Variants in HEXA observed in about 807,000 individuals in gnomAD.
HEXA encodes the protein beta-hexosaminidase subunit alpha.
A neutral mutation model predicts 73.3 loss-of-function variants in HEXA; 54 were observed. That is an observed-to-expected ratio of 0.74 (90% CI 0.59 to 0.92). HEXA has a LOEUF of 0.92. Ranked by LOEUF, HEXA falls within the 40% of genes least tolerant of loss-of-function variation. The pLI, the probability that HEXA is intolerant of heterozygous loss-of-function variation, is 0.00. For missense variants in HEXA, 649 were observed against 653.0 expected (o/e 0.99, Z 0.07); for synonymous variants, 230 against 246.9 (o/e 0.93, Z 0.64).
At position 72,341,853 on chromosome 15, in the gene HEXA, G is replaced by A. The variant is rs1456310102; in HGVS notation, c.*2224C>T. 2 of 152,162 alleles carry A rather than the reference G, an allele frequency of 1.3e-5. No individual in the cohort carries two copies. The highest frequency in any genetic ancestry group is 2.4e-5 in the African/African-American group (1 of 41,436). 9.4% of individuals were successfully genotyped at this position (152,162 alleles called of 1,614,324 possible). A position where few individuals can be genotyped will look rare whatever the true frequency, so the allele number is the denominator to read the frequency against. ...ACAGCACACTTTACCAATGAAAGTC[G>A]TGACCAGGCCACGTTAGTTTAGTGG... is the stretch of plus-strand genomic sequence containing the variant. On this transcript the variant is annotated 3_prime_UTR_variant, in exon 14 of 14. Coordinates refer to ENST00000268097, the MANE Select transcript of HEXA (RefSeq NM_000520.6).
chr15:72,349,205 A>G lies in HEXA; in HGVS notation c.860T>C (p.Phe287Ser). 1 of 1,614,106 alleles carries G rather than the reference A, an allele frequency of 6.2e-7. No individual in the cohort carries two copies. The highest frequency in any genetic ancestry group is 8.5e-7 in the Non-Finnish European group (1 of 1,179,940). Residue 287 changes from phenylalanine to serine, a missense_variant, in exon 8 of 14, where the codon TTT becomes TCT. By Grantham distance (155) the Phe-to-Ser change is radical (BLOSUM62 -2). Coordinates refer to ENST00000268097, the MANE Select transcript of HEXA (RefSeq NM_000520.6). Reference protein sequence around the residue: ...CYSGSEPSGTFGPVNPSLNNT... With the variant: ...CYSGSEPSGTSGPVNPSLNNT... ...ATTGAGACTGGGATTCACTGGTCCAAAGGTGCCAGAGGGCTCAGACCCAGA... is the reference window on the plus strand; with the variant it reads ...ATTGAGACTGGGATTCACTGGTCCAGAGGTGCCAGAGGGCTCAGACCCAGA...
At chr15:72,344,648 T>G (rs2088586773) in intron 13 of HEXA, among the ~76,000 whole-genome samples, 1 of 152,160 alleles carries the variant, frequency 6.6e-6, no homozygotes, top group Non-Finnish European at 1.5e-5. Flanking sequence ...CCTCTAGGCA[T>G]GCTTCCCTTA....
chr15:72,372,656 T>C (rs191024149), intron 1 of HEXA, among the ~76,000 whole-genome samples: 16 of 152,144 alleles, frequency 1.1e-4, no homozygotes, highest in African/African-American at 3.1e-4. Flanking sequence ...CACCTCTCAA[T>C]GACAAAGAAA....
chr15:72,356,781 G>A lies in HEXA; in HGVS notation c.254-164C>T, dbSNP rs959577990. 4 of 1,032,472 alleles carry A rather than the reference G, an allele frequency of 3.9e-6. No homozygotes were observed. In the African/African-American group the frequency reaches 6.3e-5, roughly 16 times the overall value. The allele number at this position is 1,032,472 out of a possible 1,614,324, so 64.0% of individuals were successfully genotyped here. On this transcript the variant is annotated intron_variant, in intron 1 of 13. Coordinates refer to ENST00000268097, the MANE Select transcript of HEXA (RefSeq NM_000520.6). ...GCAGTGCCTGATCATCTGTTCAGCT[G>A]TCTCACTCTCGTTGTGCCCCTCTTC...
chr15:72,373,959 A>G (rs2089024728), intron 1 of HEXA, among the ~76,000 whole-genome samples: 1 of 150,606 alleles, frequency 6.6e-6, no homozygotes, highest in South Asian at 2.1e-4. Flanking sequence ...AGATCGTATC[A>G]CTGCACTCAG....
intron 8 of HEXA, 140 bp downstream of exon 8, chr15:72,348,939 G>T: frequency 1.4e-6 from 1 of 739,192 alleles, no homozygotes; most frequent in Non-Finnish European, 2.4e-6. Flanking sequence ...GATGGGCAGA[G>T]GAAGGCCTAA....
chr15:72,347,215 A>C (rs2088627478), intron 10 of HEXA, among the ~76,000 whole-genome samples: 1 of 27,668 alleles, frequency 3.6e-5, no homozygotes, highest in Non-Finnish European at 3.3e-4. Flanking sequence ...GTTCTTAATT[A>C]AGTTTGTAGT....
At chr15:72,356,763 C>A in intron 1 of HEXA, 146 bp from the exon 2 acceptor site, 1 of 1,180,148 alleles carries the variant, frequency 8.5e-7, no homozygotes, top group Non-Finnish European at 1.2e-6. Flanking sequence ...TAGGCAGTGC[C>A]TGATCATCTG....
chr15:72,364,690 G>A (rs1304630801), intron 1 of HEXA, among the ~76,000 whole-genome samples: 1 of 151,562 alleles, frequency 6.6e-6, no homozygotes, highest in Non-Finnish European at 1.5e-5. Flanking sequence ...CCACATATAT[G>A]GGCCCATCTC....
intron 1 of HEXA, among the ~76,000 whole-genome samples, chr15:72,365,299 CCAT>C (rs2088902265): frequency 6.6e-6 from 1 of 152,160 alleles, no homozygotes; most frequent in South Asian, 2.1e-4. Flanking sequence ...CGATGTTTCA[CCAT>C]GTTAGCCAGG....
intron 6 of HEXA, 61 bp from the exon 7 acceptor site, chr15:72,350,711 A>G (rs1342055920): frequency 6.2e-7 from 1 of 1,601,682 alleles, no homozygotes; most frequent in East Asian, 2.2e-5. Context: ...AGTAGAAGAT[A>G]CTCAAAATGC....
intron 1 of HEXA, among the ~76,000 whole-genome samples, chr15:72,361,860 G>A (rs1385671261): frequency 6.6e-6 from 1 of 152,126 alleles, no homozygotes; most frequent in Non-Finnish European, 1.5e-5. Flanking sequence ...CCTTAATTCA[G>A]CCTCTTGTAA....
chr15:72,341,161 A>G lies in HEXA; in HGVS notation c.*2916T>C, dbSNP rs2088551604. ...GTATGTGTACCTACATTAATACTAA[A>G]TAAATTCCACCTACATCCTTTCTTT... On this transcript the variant is annotated 3_prime_UTR_variant, in exon 14 of 14. Coordinates refer to ENST00000268097, the MANE Select transcript of HEXA (RefSeq NM_000520.6). The G allele has an allele frequency of 6.6e-6, 1 of 152,184 alleles. No individual in the cohort carries two copies. Among genetic ancestry groups the G allele is most frequent in the African/African-American group, 2.4e-5 (1 of 41,444 alleles). The allele number at this position is 152,184 out of a possible 1,614,324, so 9.4% of individuals were successfully genotyped here. A position where few individuals can be genotyped will look rare whatever the true frequency, so the allele number is the denominator to read the frequency against.
At chr15:72,348,190 C>CAGG in intron 8 of HEXA, 56 bp from the exon 9 acceptor site, 2 of 1,256,162 alleles carry the variant, frequency 1.6e-6, no homozygotes, top group African/African-American at 1.5e-5. Context: ...AGCCTAATGC[C>CAGG]TGGGGATTAG....
intron 12 of HEXA, 81 bp from the exon 13 acceptor site, chr15:72,345,631 G>A: frequency 1.3e-6 from 2 of 1,578,484 alleles, no homozygotes; most frequent in East Asian, 4.6e-5. Flanking sequence ...GCTACCTCTT[G>A]TCTAGGCACC....
At chr15:72,362,845 C>A (rs534680453) in intron 1 of HEXA, among the ~76,000 whole-genome samples, 1 of 152,180 alleles carries the variant, frequency 6.6e-6, no homozygotes, top group African/African-American at 2.4e-5. Flanking sequence ...TGAATCAAAA[C>A]ACTTCCATCG....
At chr15:72,354,821 C>T (rs2088751430) in intron 3 of HEXA, 1 of 152,518 alleles carries the variant, frequency 6.6e-6, no homozygotes, top group African/African-American at 2.4e-5. Context: ...AAGTCTGTAT[C>T]TAGGCACCAA....
intron 10 of HEXA, 56 bp from the exon 11 acceptor site, chr15:72,346,766 CT>C: frequency 6.6e-7 from 1 of 1,525,940 alleles, no homozygotes. Context: ...ATTCCTGGGC[CT>C]TATTCATACA....
chr15:72,346,529 T>C lies in HEXA; in HGVS notation c.1328A>G (p.Glu443Gly). 6.2e-7 allele frequency: 1 copy of C among 1,613,792 alleles called. No individual in the cohort carries two copies. Among genetic ancestry groups the C allele is most frequent in the South Asian group, 1.1e-5 (1 of 91,066 alleles). Residue 443 changes from glutamate (E) to glycine (G), a missense_variant and splice_region_variant, in exon 11 of 14, where the codon GAA becomes GGA. Glu to Gly is a moderately conservative substitution (Grantham distance 98). Coordinates refer to ENST00000268097, the MANE Select transcript of HEXA (RefSeq NM_000520.6). ...DFYIVEPLAFEGTPEQKALVI... is the reference protein window; with the variant it reads ...DFYIVEPLAFGGTPEQKALVI... ...CAAGGAGAGCTCTCTGCTTTCACCT[T>C]CAAATGCCAGGGGTTCCACTATGTA...
Sources: gnomAD v4.1 joint callset for allele counts (sites outside exome capture counted in the v4.1 genomes callset) on GRCh38, gnomAD v4.1.1 for gene constraint, MANE v1.5 for transcripts, NCBI Gene and HGNC (gene_info 2026-07-23, HGNC 2026-07-21) for gene names.